SMCO4: variants seen among roughly 807,000 people sequenced by gnomAD.
SMCO4 encodes single-pass membrane protein with coiled-coil domains 4.
A neutral mutation model predicts 3.6 loss-of-function variants in SMCO4; 4 were observed. The observed-to-expected ratio is 1.11, with a 90% CI of 0.54 to 2.53. SMCO4 has a LOEUF of 2.53. Ranked by LOEUF, SMCO4 falls within the 30% of genes most tolerant of loss-of-function variation. The pLI is 0.02. For synonymous variants in SMCO4, 36 were observed against 35.3 expected (o/e 1.02, Z -0.07); for missense variants, 70 against 80.8 (o/e 0.87, Z 0.51).
At chr11:93,544,060 G>T (rs1483491696), upstream of SMCO4, among the ~76,000 whole-genome samples, 1 of 152,198 alleles carries the variant, frequency 6.6e-6, no homozygotes, top group Non-Finnish European at 1.5e-5. Flanking sequence ...GGTCAAACAC[G>T]TTTAGGTTTG....
chr11:93,482,887 G>A (rs970645817), intron 2 of SMCO4, among the ~76,000 whole-genome samples: 1 of 152,198 alleles, frequency 6.6e-6, no homozygotes, highest in Non-Finnish European at 1.5e-5. Context: ...AATGTGTGTG[G>A]CCAAAATGGT....
intron 2 of SMCO4, among the ~76,000 whole-genome samples, chr11:93,487,349 A>G (rs1023961064): frequency 3.3e-5 from 5 of 152,128 alleles, no homozygotes; most frequent in African/African-American, 9.7e-5. Flanking sequence ...TGAACAAACA[A>G]TGACAGCCAC....
chr11:93,506,304 T>C (rs528044129), intron 1 of SMCO4, among the ~76,000 whole-genome samples: 2 of 152,354 alleles, frequency 1.3e-5, no homozygotes, highest in South Asian at 4.1e-4. Flanking sequence ...GTCAAAACTA[T>C]CTTCAACTGT....
At position 93,509,633 on chromosome 11, in the gene SMCO4, C is replaced by T. The variant is rs117367737; in HGVS notation, c.-153-10285G>A. Among the ~76,000 whole-genome samples the T allele has an allele frequency of 3.5e-3, 534 of 152,244 alleles. 15 individuals carry two copies. The East Asian group carries it at 0.072, about 21-fold the overall frequency. On this transcript the variant is annotated intron_variant, in intron 1 of 2. Transcript: ENST00000298966. ...ATACATATACCACGAAAGACTACTG[C>T]GTCATAATAAAGAATGAAATAATGG...
At chr11:93,522,644 G>A (rs1949068654) in intron 1 of SMCO4, among the ~76,000 whole-genome samples, 1 of 152,212 alleles carries the variant, frequency 6.6e-6, no homozygotes, top group Non-Finnish European at 1.5e-5. Flanking sequence ...TGTTAATCTA[G>A]GCAGGTGGCC....
intron 1 of SMCO4, 47 bp downstream of exon 1, chr11:93,543,229 G>A (rs1591334054): frequency 6.9e-6 from 1 of 144,094 alleles, no homozygotes; most frequent in African/African-American, 2.5e-5. Flanking sequence ...CCCGCCCGCC[G>A]GCTCGCCCGC....
At chr11:93,535,826 C>CA (rs1949219679) in intron 1 of SMCO4, 1 of 1,613,460 alleles carries the variant, frequency 6.2e-7, no homozygotes, top group African/African-American at 1.3e-5. Context: ...CAGTAAAGGA[C>CA]ATACATTTCC....
At chr11:93,535,538 G>A in intron 1 of SMCO4, 1 of 1,423,562 alleles carries the variant, frequency 7.0e-7, no homozygotes, top group South Asian at 1.1e-5. Context: ...CTGGACATCA[G>A]GCAGCATCAT....
chr11:93,479,470 G>A (rs1321665602), intron 2 of SMCO4, among the ~76,000 whole-genome samples: 1 of 152,212 alleles, frequency 6.6e-6, no homozygotes, highest in African/African-American at 2.4e-5. Flanking sequence ...TGCTGTGAGA[G>A]GGGCCTCCGC....
chr11:93,500,429 G>A (rs542832113), intron 1 of SMCO4, among the ~76,000 whole-genome samples: 31 of 152,126 alleles, frequency 2.0e-4, no homozygotes, highest in Admixed American at 1.0e-3. Context: ...CTCTATCCTC[G>A]CCATATTTTT....
intron 1 of SMCO4, among the ~76,000 whole-genome samples, chr11:93,532,872 T>G (rs912231732): frequency 1.1e-4 from 17 of 152,132 alleles, no homozygotes; most frequent in African/African-American, 4.1e-4. Flanking sequence ...ACATGTCGTG[T>G]ATTTTAATCA....
intron 1 of SMCO4, among the ~76,000 whole-genome samples, 191 bp downstream of exon 1, chr11:93,543,085 C>G (rs537704795): frequency 6.8e-4 from 103 of 151,864 alleles, no homozygotes; most frequent in African/African-American, 2.4e-3. Context: ...CCCGCCCGCA[C>G]GAGTTGCGCT....
chr11:93,524,198 AC>A (rs1949085348), intron 1 of SMCO4, among the ~76,000 whole-genome samples: 1 of 152,186 alleles, frequency 6.6e-6, no homozygotes, highest in Non-Finnish European at 1.5e-5. Flanking sequence ...TTTAGATTGT[AC>A]TATCATCACC....
At chr11:93,486,230 G>T (rs1948648623) in intron 2 of SMCO4, among the ~76,000 whole-genome samples, 1 of 152,204 alleles carries the variant, frequency 6.6e-6, no homozygotes. Context: ...GCCCCAGGTG[G>T]TTAGAAAGTC....
chr11:93,495,526 G>A (rs1948763679), intron 2 of SMCO4, among the ~76,000 whole-genome samples: 1 of 151,992 alleles, frequency 6.6e-6, no homozygotes, highest in Admixed American at 6.5e-5. Flanking sequence ...TATTTAAAAA[G>A]GAAAGCTGTA....
rs1230570296 is a variant in SMCO4 at position 93,528,615 on chromosome 11, C to T, written c.-154+14661G>A. ...CCTGTGCCTAAACCGGCTCTACCTT[C>T]CAGGAGCTCGCACTGTGACCAGGGA... On this transcript the variant is annotated intron_variant, in intron 1 of 2. Coordinates refer to ENST00000298966, the MANE Select transcript of SMCO4 (RefSeq NM_020179.3). Among the ~76,000 whole-genome samples, 10 of 143,628 alleles carry T rather than the reference C, an allele frequency of 7.0e-5. No homozygotes were observed. The South Asian group carries it at 1.7e-3, about 24-fold the overall frequency. 94.2% of individuals were successfully genotyped at this position (143,628 alleles called of 152,430 possible).
chr11:93,479,112 G>A lies in SMCO4; in HGVS notation c.78C>T (p.Ala26=), dbSNP rs2134561909. The part of the protein sequence containing the change: ...KKERKQAMQE[A]RQQITTVVLP... ...GCACCACTGTAGTGATCTGCTGCCGGGCCTCCTGCATGGCTTGCTTCCGCT... is the reference window on the plus strand; with the variant it reads ...GCACCACTGTAGTGATCTGCTGCCGAGCCTCCTGCATGGCTTGCTTCCGCT... The change falls in exon 3 of 3, where the codon GCC becomes GCT. Residue 26 remains alanine (A), a synonymous_variant. Transcript: ENST00000298966. 6.2e-7 allele frequency: 1 copy of A among 1,614,058 alleles called. No individual in the cohort carries two copies. The highest frequency in any genetic ancestry group is 2.2e-5 in the East Asian group (1 of 44,818).
At chr11:93,516,400 T>C (rs1328234618) in intron 1 of SMCO4, among the ~76,000 whole-genome samples, 2 of 152,238 alleles carry the variant, frequency 1.3e-5, no homozygotes, top group East Asian at 1.9e-4. Context: ...TTACATTATT[T>C]GGGCACTAAA....
At chr11:93,482,366 G>A (rs1948601880) in intron 2 of SMCO4, among the ~76,000 whole-genome samples, 1 of 152,252 alleles carries the variant, frequency 6.6e-6, no homozygotes, top group Non-Finnish European at 1.5e-5. Flanking sequence ...CTCTGCATGT[G>A]AGGATGCTTC....
Sources: allele counts gnomAD v4.1 joint callset (sites outside exome capture counted in the v4.1 genomes callset), GRCh38; gene constraint gnomAD v4.1.1; transcripts MANE v1.5; gene names NCBI Gene and HGNC (gene_info 2026-07-23, HGNC 2026-07-21).